HDLBP: variants seen among roughly 807,000 people sequenced by gnomAD.
The protein encoded by HDLBP is high density lipoprotein binding protein.
Under a neutral mutation model 137.3 loss-of-function variants are expected in HDLBP, and 30 were observed. The observed-to-expected ratio is 0.22, with a 90% CI of 0.16 to 0.30. The LOEUF (loss-of-function observed/expected upper bound fraction) is 0.30, where lower values mean the gene tolerates loss of function less well. Ranked by LOEUF, HDLBP falls within the 10% of genes least tolerant of loss-of-function variation. The probability of loss-of-function intolerance (pLI) is 1.00; values close to 1 mark genes in which losing one functional copy is unlikely to be tolerated. For synonymous variants in HDLBP, 606 were observed against 596.0 expected (o/e 1.02, Z -0.24); for missense variants, 1,119 against 1,667.3 (o/e 0.67, Z 5.73).
intron 24 of HDLBP, chr2:241,231,237 A>T (rs368499996): frequency 1.5e-4 from 44 of 290,026 alleles, no homozygotes; most frequent in African/African-American, 9.3e-4. Flanking sequence ...ATACAATATT[A>T]GCCGGGCGTG....
chr2:241,237,898 C>T (rs142732463), intron 20 of HDLBP, among the ~76,000 whole-genome samples: 114 of 152,312 alleles, frequency 7.5e-4, no homozygotes, highest in Middle Eastern at 3.4e-3. Flanking sequence ...ACCCTGTATT[C>T]TCAGGAAAAC....
chr2:241,314,458 AT>A (rs1013143736), intron 1 of HDLBP, among the ~76,000 whole-genome samples: 73 of 152,214 alleles, frequency 4.8e-4, no homozygotes, highest in African/African-American at 1.7e-3. Flanking sequence ...CACCAAATAA[AT>A]GTGAAGTCAT....
At chr2:241,291,730 T>C (rs887091857) in intron 1 of HDLBP, among the ~76,000 whole-genome samples, 6 of 152,186 alleles carry the variant, frequency 3.9e-5, no homozygotes, top group African/African-American at 1.4e-4. Context: ...ATTTCTGGAT[T>C]TGGATATGTT....
In HDLBP at chr2:241,235,171, C is replaced by T; in HGVS notation, c.3094G>A (p.Ala1032Thr). The change falls in exon 23 of 28, where the codon GCT (alanine) becomes ACT (threonine). Residue 1032 changes from alanine (A) to threonine (T), a missense_variant. This residue lies in a region of HDLBP where 618 missense variants were observed against 816.7 expected (regional missense o/e 0.76). Coordinates refer to ENST00000310931, the MANE Select transcript of HDLBP (RefSeq NM_005336.6). ...GLAANLDRAK[A>T]GLLERVKELQ... ...TCCTTCACACGCTCCAGCAGTCCAG[C>T]CTTGGCCCGGTCCAAATTTGCAGCG... 1 of 1,614,148 alleles carries T rather than the reference C, an allele frequency of 6.2e-7. No homozygotes were observed. The highest frequency in any genetic ancestry group is 8.5e-7 in the Non-Finnish European group (1 of 1,180,036).
At chr2:241,310,500 C>T (rs2075726830) in intron 1 of HDLBP, among the ~76,000 whole-genome samples, 2 of 152,056 alleles carry the variant, frequency 1.3e-5, no homozygotes, top group Non-Finnish European at 2.9e-5. Context: ...ATCCATAAAT[C>T]GTAACATCAC....
chr2:241,283,258 C>A (rs2074676273), intron 1 of HDLBP, among the ~76,000 whole-genome samples: 1 of 152,178 alleles, frequency 6.6e-6, no homozygotes, highest in African/African-American at 2.4e-5. Flanking sequence ...AAAAATGTCT[C>A]AAGCTAGCAG....
rs2072539945 is a variant in HDLBP, at chr2:241,255,434, A to C, written c.1020T>G (p.Thr340=). ...EIPPSDSISE[T]VILRGEPEKL... is the part of the protein sequence containing the mutation. ...TTTCAGGTTCGCCTCGAAGTATTAC[A>C]GTCTCAGAGATGCTGTCTGAGGGTG... Residue 340 remains threonine, a synonymous_variant, in exon 8 of 28, where the codon ACT becomes ACG. Coordinates refer to ENST00000310931, the MANE Select transcript of HDLBP (RefSeq NM_005336.6). The C allele has an allele frequency of 6.2e-7, 1 of 1,614,236 alleles. No homozygotes were observed. Among genetic ancestry groups the C allele is most frequent in the Non-Finnish European group, 8.5e-7 (1 of 1,180,038 alleles).
intron 1 of HDLBP, among the ~76,000 whole-genome samples, chr2:241,285,257 TA>T (rs1334275582): frequency 1.6e-4 from 25 of 152,378 alleles, no homozygotes; most frequent in African/African-American, 6.0e-4. Flanking sequence ...CTGGGAAACG[TA>T]AAACTCATGT....
chr2:241,249,955 C>G lies in HDLBP; in HGVS notation c.1398G>C (p.Lys466Asn), dbSNP rs1382355136. Residue 466 changes from lysine to asparagine, a missense_variant, in exon 12 of 28, where the codon AAG (lysine) becomes AAC (asparagine). Physicochemically the swap from Lys to Asn is moderately conservative, Grantham distance 94. Around this residue, in one of 4 missense-constraint regions of HDLBP, gnomAD observed 425 missense variants for 693.9 expected, o/e 0.61. Transcript: ENST00000310931. ...TGTCAGGAGGGATGCGCACGGACAC[C>G]TTGTACTGGTCTTTGATTCTGTTTA... ...ANINRIKDQY[K>N]VSVRIPPDSE... The G allele has an allele frequency of 6.2e-7, 1 of 1,609,462 alleles. No individual in the cohort carries two copies. Among genetic ancestry groups the G allele is most frequent in the Non-Finnish European group, 8.5e-7 (1 of 1,178,568 alleles).
intron 14 of HDLBP, 99 bp from the exon 15 acceptor site, chr2:241,247,241 C>T: frequency 2.7e-6 from 2 of 744,646 alleles, no homozygotes; most frequent in Admixed American, 2.2e-5. Context: ...CGACAGAGCA[C>T]TGGTATTTGC....
chr2:241,278,267 C>G (rs1258662080), intron 1 of HDLBP, among the ~76,000 whole-genome samples: 4 of 152,084 alleles, frequency 2.6e-5, no homozygotes, highest in African/African-American at 9.7e-5. Flanking sequence ...GCATGAGGGG[C>G]AAAGATAATT....
Position 241,264,602 on chromosome 2 carries a change from G to T in HDLBP, c.80C>A (p.Ala27Asp), listed in dbSNP as rs1400305114. The change falls in exon 4 of 28, where the codon GCC becomes GAC. Residue 27 changes from alanine to aspartate, a missense_variant. Ala to Asp is a moderately radical substitution (Grantham distance 126). Around this residue, in one of 4 missense-constraint regions of HDLBP, gnomAD observed 59 missense variants for 92.4 expected, o/e 0.64. Coordinates refer to ENST00000310931, the MANE Select transcript of HDLBP (RefSeq NM_005336.6). The part of the protein sequence containing the change: ...SGLVPQQIKV[A>D]TLNSEEESDP... ...GCTCTCCTCTTCTGAATTTAGAGTGGCAACTGGACCAGCCAACACAGATTA... is the reference window on the plus strand; with the variant it reads ...GCTCTCCTCTTCTGAATTTAGAGTGTCAACTGGACCAGCCAACACAGATTA... 1.2e-6 allele frequency: 2 copies of T among 1,613,668 alleles called. No homozygotes were observed. Among genetic ancestry groups the T allele is most frequent in the East Asian group, 2.2e-5 (1 of 44,866 alleles).
chr2:241,231,257 G>A (rs375761403), intron 24 of HDLBP: 30 of 233,918 alleles, frequency 1.3e-4, no homozygotes, highest in African/African-American at 5.2e-4. Context: ...GGTGGTGCAC[G>A]CCTGTAATCC....
chr2:241,245,796 T>C (rs1255664151), intron 16 of HDLBP, among the ~76,000 whole-genome samples: 1 of 151,880 alleles, frequency 6.6e-6, no homozygotes, highest in African/African-American at 2.4e-5. Flanking sequence ...CAAGACCTCA[T>C]CTCCAAAAAA....
Position 241,272,596 on chromosome 2 carries a change from C to T in HDLBP, c.-102-4055G>A. 1 of 983,536 alleles carries T rather than the reference C, an allele frequency of 1.0e-6. No individual in the cohort carries two copies. Among genetic ancestry groups the T allele is most frequent in the Non-Finnish European group, 1.2e-6 (1 of 829,006 alleles). 60.9% of individuals were successfully genotyped at this position (983,536 alleles called of 1,614,324 possible). On this transcript the variant is annotated intron_variant, in intron 1 of 27. Coordinates refer to ENST00000310931, the MANE Select transcript of HDLBP (RefSeq NM_005336.6). This position sits in a 1 kb window ranked among gnomAD's most constrained non-coding sequence, Gnocchi z 5.6. ...CCACGCGCGGTAAGCAGGACACCCG[C>T]GGGCGGGGGCCGCAGCCTGGGGCCC...
At chr2:241,252,878 G>T (rs1048911801) in intron 11 of HDLBP, 79 bp downstream of exon 11, 3 of 933,402 alleles carry the variant, frequency 3.2e-6, no homozygotes. Context: ...CTGCACGGAC[G>T]TCACAGTTCT....
chr2:241,253,513 CAA>C lies in HDLBP; in HGVS notation c.1189-18_1189-17del, dbSNP rs1343520201. 1.3e-6 allele frequency: 2 copies of C among 1,563,010 alleles called. No homozygotes were observed. The highest frequency in any genetic ancestry group is 1.7e-5 in the Admixed American group (1 of 59,960). On this transcript the variant is annotated splice_polypyrimidine_tract_variant and intron_variant, in intron 9 of 27. Coordinates refer to ENST00000310931, the MANE Select transcript of HDLBP (RefSeq NM_005336.6). ...CGATGTGAACCTACCACACCAAAAC[CAA>C]AGAGATAGCTAAAACAGAATGGCAC...
chr2:241,237,702 T>G (rs2070719367), intron 20 of HDLBP, among the ~76,000 whole-genome samples: 1 of 149,174 alleles, frequency 6.7e-6, no homozygotes, highest in African/African-American at 2.5e-5. Flanking sequence ...AAGGGACATG[T>G]CTAAAAATGA....
chr2:241,311,954 A>C (rs4488659), intron 1 of HDLBP, among the ~76,000 whole-genome samples: 1 of 152,046 alleles, frequency 6.6e-6, no homozygotes, highest in African/African-American at 2.4e-5. Flanking sequence ...CAGGGGTAGG[A>C]GACACAAATA....
Sources: gnomAD v4.1 joint callset for allele counts (sites outside exome capture counted in the v4.1 genomes callset) on GRCh38, gnomAD v4.1.1 for gene constraint, gnomAD v4.1.1 regional missense constraint, Gnocchi (gnomAD v3.1) non-coding constraint, MANE v1.5 for transcripts, NCBI Gene and HGNC (gene_info 2026-07-23, HGNC 2026-07-21) for gene names.